RIMS2: variants seen among roughly 807,000 people sequenced by gnomAD.
RIMS2 encodes the protein regulating synaptic membrane exocytosis protein 2.
RIMS2 carries 59 observed loss-of-function variants against 174.4 expected under a neutral mutation model. The observed-to-expected ratio is 0.34, with a 90% CI of 0.27 to 0.42. The LOEUF is 0.42. Ranked by LOEUF, RIMS2 falls within the 10% of genes least tolerant of loss-of-function variation. The pLI is 1.00. For missense variants in RIMS2, 1,620 were observed against 1,666.3 expected (o/e 0.97, Z 0.48); for synonymous variants, 606 against 572.5 (o/e 1.06, Z -0.84).
At chr8:103,617,545 A>G (rs1361854060) in intron 1 of RIMS2, among the ~76,000 whole-genome samples, 1 of 152,218 alleles carries the variant, frequency 6.6e-6, no homozygotes, top group African/African-American at 2.4e-5. Context: ...TGCACAGCCA[A>G]AGAAACTATC....
chr8:103,838,763 T>C (rs1195029219), intron 3 of RIMS2, among the ~76,000 whole-genome samples: 1 of 152,180 alleles, frequency 6.6e-6, no homozygotes, highest in Non-Finnish European at 1.5e-5. Context: ...CACTTCAGAA[T>C]TGCCATTTAT....
At chr8:103,734,457 G>C (rs1436649074) in intron 2 of RIMS2, among the ~76,000 whole-genome samples, 23 of 138,184 alleles carry the variant, frequency 1.7e-4, no homozygotes, top group Admixed American at 1.5e-3. Context: ...AGGTTGGATG[G>C]TTCTTTTTTT....
At chr8:103,827,745 G>T (rs6468893) in intron 3 of RIMS2, among the ~76,000 whole-genome samples, 40,678 of 151,994 alleles carry the variant, frequency 0.27, 6,374 homozygotes, top group East Asian at 0.61. Flanking sequence ...TGAGGCAGGA[G>T]AATCGCTTGA....
chr8:103,737,569 A>G (rs1423823017), intron 2 of RIMS2, among the ~76,000 whole-genome samples: 2 of 152,088 alleles, frequency 1.3e-5, no homozygotes, highest in Non-Finnish European at 1.5e-5. Context: ...TCAAAATGCA[A>G]TCAGATTGTG....
chr8:104,242,452 AG>A (rs1425510987), intron 19 of RIMS2, among the ~76,000 whole-genome samples: 1 of 152,218 alleles, frequency 6.6e-6, no homozygotes, highest in East Asian at 1.9e-4. Context: ...TTTTGCATAT[AG>A]GGTTTCTTGT....
At chr8:103,962,702 C>A (rs1196235537) in intron 15 of RIMS2, among the ~76,000 whole-genome samples, 1 of 152,130 alleles carries the variant, frequency 6.6e-6, no homozygotes, top group Non-Finnish European at 1.5e-5. Context: ...CAGCTCACTG[C>A]ATCCTCAACT....
At chr8:103,888,118 A>T (rs933555700) in intron 4 of RIMS2, among the ~76,000 whole-genome samples, 4 of 151,456 alleles carry the variant, frequency 2.6e-5, no homozygotes, top group African/African-American at 4.8e-5. Flanking sequence ...ACTGATAGAA[A>T]ATTTGGACAT....
intron 19 of RIMS2, among the ~76,000 whole-genome samples, chr8:104,180,536 A>C (rs2098933793): frequency 6.6e-6 from 1 of 151,496 alleles, no homozygotes; most frequent in South Asian, 2.1e-4. Context: ...GCTTTCTAAA[A>C]ACAGGAAGGA....
chr8:104,131,286 G>A (rs2098471775), intron 19 of RIMS2, among the ~76,000 whole-genome samples: 1 of 152,126 alleles, frequency 6.6e-6, no homozygotes, highest in Admixed American at 6.6e-5. Context: ...GGCAAGGCTA[G>A]AGGCAGAGAT....
intron 19 of RIMS2, among the ~76,000 whole-genome samples, chr8:104,031,788 A>G (rs533621287): frequency 2.6e-5 from 4 of 152,222 alleles, no homozygotes; most frequent in South Asian, 4.1e-4. Flanking sequence ...GGGTTTGGAA[A>G]CCATATGAAA....
intron 2 of RIMS2, among the ~76,000 whole-genome samples, chr8:103,717,576 T>G (rs2097388012): frequency 6.6e-6 from 1 of 152,216 alleles, no homozygotes; most frequent in East Asian, 1.9e-4. Flanking sequence ...AATTATTGTT[T>G]GTGGCTTCCA....
intron 1 of RIMS2, among the ~76,000 whole-genome samples, chr8:103,577,441 G>A (rs1245147506): frequency 2.6e-5 from 4 of 152,060 alleles, no homozygotes; most frequent in Non-Finnish European, 4.4e-5. Flanking sequence ...ACAGGGAGGG[G>A]AACATCACAC....
chr8:103,524,043 G>C (rs4310171), intron 1 of RIMS2, among the ~76,000 whole-genome samples: 1 of 151,992 alleles, frequency 6.6e-6, no homozygotes, highest in African/African-American at 2.4e-5. Flanking sequence ...AACTGTAATT[G>C]TAATAAAAAT....
At chr8:103,949,573 A>C (rs1027248059) in intron 14 of RIMS2, among the ~76,000 whole-genome samples, 8 of 152,348 alleles carry the variant, frequency 5.3e-5, no homozygotes, top group Admixed American at 4.6e-4. Flanking sequence ...CAGGAAATTA[A>C]AAATTATTTT....
intron 1 of RIMS2, among the ~76,000 whole-genome samples, chr8:103,620,265 C>A (rs2095604969): frequency 6.6e-6 from 1 of 152,144 alleles, no homozygotes; most frequent in Non-Finnish European, 1.5e-5. Context: ...GATGTTCCTT[C>A]ACTGCTAGAT....
chr8:104,036,919 T>C (rs1056080797), intron 19 of RIMS2, among the ~76,000 whole-genome samples: 8 of 152,074 alleles, frequency 5.3e-5, no homozygotes, highest in Non-Finnish European at 5.9e-5. Context: ...TATGTAAGTA[T>C]AGTGAATTTT....
At chr8:103,574,310 G>T (rs1021750688) in intron 1 of RIMS2, among the ~76,000 whole-genome samples, 3 of 152,072 alleles carry the variant, frequency 2.0e-5, no homozygotes, top group East Asian at 1.9e-4. Flanking sequence ...GAGTGCTTTT[G>T]CCATTCTTCT....
chr8:103,908,569 G>C (rs750500659), intron 4 of RIMS2, among the ~76,000 whole-genome samples: 2 of 152,046 alleles, frequency 1.3e-5, no homozygotes. Flanking sequence ...TCCTCCAGTC[G>C]TCTCCATCTC....
intron 2 of RIMS2, among the ~76,000 whole-genome samples, chr8:103,755,630 A>C (rs1199742604): frequency 3.3e-5 from 5 of 150,938 alleles, no homozygotes; most frequent in South Asian, 2.1e-4. Flanking sequence ...GTTCATTTTC[A>C]CTTTTTTTCT....
Sources: gnomAD v4.1 joint callset for allele counts (sites outside exome capture counted in the v4.1 genomes callset) on GRCh38, gnomAD v4.1.1 for gene constraint, MANE v1.5 for transcripts, NCBI Gene and HGNC (gene_info 2026-07-23, HGNC 2026-07-21) for gene names.